Variants in ATAD2B observed in about 807,000 individuals in gnomAD.
The protein encoded by ATAD2B is ATPase family AAA domain containing 2B.
In ATAD2B, 40 loss-of-function variants were observed where a neutral mutation model predicts 167.6. That is an observed-to-expected ratio of 0.24 (90% confidence interval 0.19 to 0.31). ATAD2B has a LOEUF of 0.31. ATAD2B is among the 10% of genes least tolerant of loss of function. ATAD2B has a pLI of 1.00. For missense variants in ATAD2B, 1,242 were observed against 1,757.2 expected, an observed-to-expected ratio of 0.71 and a Z score of 5.24; for synonymous variants, 579 against 596.5, an observed-to-expected ratio of 0.97 and a Z score of 0.43.
At chr2:23,834,244 C>A (rs930324799) in intron 13 of ATAD2B, among the ~76,000 whole-genome samples, 166 bp from the exon 14 acceptor site, 3 of 126,280 alleles carry the variant, frequency 2.4e-5, no homozygotes, top group Admixed American at 2.1e-4. Context: ...TCACTGCAAT[C>A]TCCGCCTCCC....
intron 15 of ATAD2B, among the ~76,000 whole-genome samples, chr2:23,823,937 G>T (rs1216365856): frequency 3.9e-4 from 58 of 147,588 alleles, no homozygotes; most frequent in African/African-American, 1.4e-3. Context: ...TTTTTTTTAA[G>T]AGACAGGGTC....
chr2:23,803,247 G>T (rs949928599), intron 18 of ATAD2B, among the ~76,000 whole-genome samples: 1 of 151,974 alleles, frequency 6.6e-6, no homozygotes, highest in Admixed American at 6.6e-5. Context: ...AAATCTTCCA[G>T]GCTATACCAA....
chr2:23,901,668 T>C (rs925600300), intron 1 of ATAD2B, among the ~76,000 whole-genome samples: 1 of 152,164 alleles, frequency 6.6e-6, no homozygotes, highest in Admixed American at 6.6e-5. Flanking sequence ...GGAGGGCTCA[T>C]GGTGAATTAA....
In ATAD2B at chr2:23,757,562, C is replaced by T; in HGVS notation, c.3934G>A (p.Asp1312Asn). The change falls in exon 25 of 28, where the codon GAC (aspartate) becomes AAC (asparagine). Residue 1312 changes from aspartate (D) to asparagine (N), a missense_variant. Around this residue, in one of 9 missense-constraint regions of ATAD2B, gnomAD observed 282 missense variants for 346.8 expected, o/e 0.81. Transcript: ENST00000238789. ...GTTTCTGGTTTTTCTTTTGACTGGT[C>T]CTCCAGAAGAATCTTTTGTTCAGAA... ...CSSEQKILLE[D>N]QSKEKPETST... The T allele has an allele frequency of 1.9e-6, 3 of 1,602,858 alleles. No homozygotes were observed. Among genetic ancestry groups the T allele is most frequent in the Non-Finnish European group, 1.7e-6 (2 of 1,176,954 alleles).
intron 1 of ATAD2B, among the ~76,000 whole-genome samples, chr2:23,902,351 T>C (rs1474748983): frequency 6.6e-6 from 1 of 152,062 alleles, no homozygotes; most frequent in Non-Finnish European, 1.5e-5. Flanking sequence ...TCCAAAGAAA[T>C]CTAGGGATTT....
chr2:23,837,633 G>C (rs1270192398), intron 13 of ATAD2B, among the ~76,000 whole-genome samples: 1 of 152,238 alleles, frequency 6.6e-6, no homozygotes, highest in Non-Finnish European at 1.5e-5. Context: ...GGCCACTCCA[G>C]ATGGCCTGCC....
intron 25 of ATAD2B, 182 bp from the exon 26 acceptor site, chr2:23,754,956 A>G: frequency 1.8e-6 from 1 of 544,634 alleles, no homozygotes; most frequent in Non-Finnish European, 3.0e-6. Flanking sequence ...AGACTAAGTA[A>G]CCCAAATTAA....
intron 19 of ATAD2B, among the ~76,000 whole-genome samples, chr2:23,790,949 C>G (rs548659127): frequency 6.6e-6 from 1 of 152,212 alleles, no homozygotes; most frequent in African/African-American, 2.4e-5. Context: ...TCAGGCCTAT[C>G]TGCAGTCAAT....
At chr2:23,879,922 G>C (rs774879400) in intron 7 of ATAD2B, among the ~76,000 whole-genome samples, 7 of 152,044 alleles carry the variant, frequency 4.6e-5, no homozygotes, top group Admixed American at 4.6e-4. Flanking sequence ...GCCAGATGTG[G>C]TTGCGGGCAC....
chr2:23,723,460 G>A, the ATAD2B span, among the ~76,000 whole-genome samples: 119 of 135,676 alleles, frequency 8.8e-4, no homozygotes, highest in African/African-American at 3.1e-3. Flanking sequence ...AGGAGAAAGG[G>A]AGGGAGGGAG....
At chr2:23,862,206 A>C (rs1237094617) in intron 12 of ATAD2B, among the ~76,000 whole-genome samples, 3 of 152,122 alleles carry the variant, frequency 2.0e-5, no homozygotes, top group African/African-American at 7.2e-5. Flanking sequence ...AAAAAAAAAA[A>C]AAAATTGTGA....
chr2:23,694,351 C>G, the ATAD2B span, among the ~76,000 whole-genome samples: 1 of 152,208 alleles, frequency 6.6e-6, no homozygotes, highest in African/African-American at 2.4e-5. Flanking sequence ...AGTGGATCGA[C>G]TTCCCTCTCC....
intron 6 of ATAD2B, 59 bp from the exon 7 acceptor site, chr2:23,880,814 G>T: frequency 1.0e-6 from 1 of 1,002,864 alleles, no homozygotes; most frequent in Non-Finnish European, 1.5e-6. Flanking sequence ...AAAAGGATTG[G>T]TCTACTCTAG....
In ATAD2B at chr2:23,895,924, G is replaced by T; in HGVS notation, c.263C>A (p.Pro88Gln). ...GSLSDSHVSP[P>Q]AKRTLKQPDS... Reference sequence around the variant, plus strand: ...AGGTTGTTTCAAAGTGCGTTTGGCTGGAGGAGATACGTGGCTATCACTTAA... The same window carrying T: ...AGGTTGTTTCAAAGTGCGTTTGGCTTGAGGAGATACGTGGCTATCACTTAA... Residue 88 changes from proline (P) to glutamine (Q), a missense_variant, in exon 2 of 28, where the codon CCA (proline) becomes CAA (glutamine). Coordinates refer to ENST00000238789, the MANE Select transcript of ATAD2B (RefSeq NM_017552.4). The T allele has an allele frequency of 6.2e-7, 1 of 1,613,170 alleles. No homozygotes were observed. The highest frequency in any genetic ancestry group is 8.5e-7 in the Non-Finnish European group (1 of 1,179,374).
At chr2:23,723,380 G>A in the ATAD2B span, among the ~76,000 whole-genome samples, 1 of 144,660 alleles carries the variant, frequency 6.9e-6, no homozygotes, top group Non-Finnish European at 1.5e-5. Flanking sequence ...GAAGGGAGGG[G>A]CAGGGAGAGG....
intron 19 of ATAD2B, among the ~76,000 whole-genome samples, chr2:23,794,166 T>C (rs899241959): frequency 1.3e-5 from 2 of 152,136 alleles, no homozygotes; most frequent in East Asian, 3.9e-4. Flanking sequence ...CGCGCCATCA[T>C]ACCCAGCTAA....
intron 13 of ATAD2B, among the ~76,000 whole-genome samples, chr2:23,839,793 C>A (rs2712052): frequency 0.065 from 9,869 of 152,056 alleles, 408 homozygotes; most frequent in African/African-American, 0.12. Flanking sequence ...AGTATGTATA[C>A]CCTGTGAAAC....
intron 24 of ATAD2B, among the ~76,000 whole-genome samples, chr2:23,758,994 G>A (rs1314356687): frequency 6.6e-6 from 1 of 152,150 alleles, no homozygotes; most frequent in Non-Finnish European, 1.5e-5. Flanking sequence ...AATTGAGGTA[G>A]ATGGTTAAGC....
chr2:23,725,961 A>G, the ATAD2B span, among the ~76,000 whole-genome samples: 1 of 152,150 alleles, frequency 6.6e-6, no homozygotes, highest in East Asian at 1.9e-4. Context: ...CAGTATGACA[A>G]TTCCTTAAAA....
Sources: gnomAD v4.1 joint callset for allele counts (sites outside exome capture counted in the v4.1 genomes callset) on GRCh38, gnomAD v4.1.1 for gene constraint, gnomAD v4.1.1 regional missense constraint, MANE v1.5 for transcripts, NCBI Gene and HGNC (gene_info 2026-07-23, HGNC 2026-07-21) for gene names.